The following FAM227B variants were observed in gnomAD, a reference collection of about 807,000 sequenced individuals.
FAM227B encodes the protein family with sequence similarity 227 member B.
FAM227B carries 88 observed loss-of-function variants against 73.8 expected under a neutral mutation model. The observed-to-expected ratio is 1.19, with a 90% CI of 1.00 to 1.42. FAM227B has a LOEUF of 1.42. FAM227B is among the 40% of genes most tolerant of loss of function. The pLI, the probability that FAM227B is intolerant of heterozygous loss-of-function variation, is 0.00. For missense variants in FAM227B, 632 were observed against 590.9 expected (o/e 1.07, Z -0.72); for synonymous variants, 210 against 190.5 (o/e 1.10, Z -0.84).
Position 49,327,517 on chromosome 15 carries a change from AT to A in FAM227B, c.*1050del, listed in dbSNP as rs1257451039. 1 of 154,548 alleles carries A rather than the reference AT, an allele frequency of 6.5e-6. No homozygotes were observed. The highest frequency in any genetic ancestry group is 1.9e-4 in the East Asian group (1 of 5,266). 9.6% of individuals were successfully genotyped at this position (154,548 alleles called of 1,614,324 possible). ...GGGGAAAACTTGTATAAGACTGTAC[AT>A]TTTAAATTTTGATTTGTCCTCATTT... On this transcript the variant is annotated 3_prime_UTR_variant, in exon 16 of 16. Coordinates refer to ENST00000299338, the MANE Select transcript of FAM227B (RefSeq NM_152647.3).
rs566228435 is a variant in FAM227B, at chr15:49,514,327, G to A, written c.875-5979C>T. ...AGGTCTTTCATGTCCCTTGTTAGCTGTATTCCTAGGTATTTTATTCTCTTT... is the reference window on the plus strand; with the variant it reads ...AGGTCTTTCATGTCCCTTGTTAGCTATATTCCTAGGTATTTTATTCTCTTT... On this transcript the variant is annotated intron_variant, in intron 10 of 15. Coordinates refer to ENST00000299338, the MANE Select transcript of FAM227B (RefSeq NM_152647.3). 3.1e-4 allele frequency among the ~76,000 whole-genome samples: 47 copies of A among 152,104 alleles called. No individual in the cohort carries two copies. The South Asian group carries it at 8.7e-3, about 28-fold the overall frequency.
At chr15:49,396,832 CA>C (rs1410831496) in intron 11 of FAM227B, among the ~76,000 whole-genome samples, 1 of 151,712 alleles carries the variant, frequency 6.6e-6, no homozygotes, top group African/African-American at 2.4e-5. Context: ...ACATCCACAC[CA>C]AAAACCCATC....
chr15:49,347,082 A>G (rs1174104669), intron 13 of FAM227B, among the ~76,000 whole-genome samples: 1 of 152,220 alleles, frequency 6.6e-6, no homozygotes, highest in African/African-American at 2.4e-5. Context: ...GTAAAATAGG[A>G]TTGCAGTTCT....
intron 5 of FAM227B, among the ~76,000 whole-genome samples, chr15:49,578,179 CT>C (rs1359811190): frequency 6.6e-6 from 1 of 152,158 alleles, no homozygotes; most frequent in East Asian, 1.9e-4. Context: ...ATAGCCAAGC[CT>C]TTCTGCTCCA....
At chr15:49,431,626 G>C (rs1597145564) in intron 11 of FAM227B, among the ~76,000 whole-genome samples, 2 of 151,710 alleles carry the variant, frequency 1.3e-5, no homozygotes, top group African/African-American at 4.8e-5. Context: ...TTCTACTGGA[G>C]TGGTCATGAG....
chr15:49,475,355 G>A (rs1455256398), intron 11 of FAM227B, among the ~76,000 whole-genome samples: 6 of 152,204 alleles, frequency 3.9e-5, no homozygotes, highest in Non-Finnish European at 7.3e-5. Context: ...TTCTGGCTAC[G>A]TGTTCAAGAA....
intron 9 of FAM227B, among the ~76,000 whole-genome samples, chr15:49,549,014 G>T (rs987836977): frequency 5.3e-5 from 8 of 151,914 alleles, no homozygotes; most frequent in Non-Finnish European, 1.0e-4. Flanking sequence ...CTTCTGCTCT[G>T]ATCTTTATTA....
chr15:49,609,720 T>C (rs769419875), intron 3 of FAM227B, among the ~76,000 whole-genome samples: 1 of 151,984 alleles, frequency 6.6e-6, no homozygotes. Context: ...AAATTAAGCA[T>C]CTAGTCATTT....
At position 49,489,803 on chromosome 15, in the gene FAM227B, TTATATATATATATATATTTTATA is replaced by T. The variant is rs1224751738; in HGVS notation, c.1012+18385_1012+18407del. On this transcript the variant is annotated intron_variant, in intron 11 of 15. Transcript: ENST00000299338. ...AGAACAGGAGATATATATATATATT[TTATATATATATATATATTTTATA>T]TATATATATATATTTTATATATATA... Among the ~76,000 whole-genome samples, 31 of 57,306 alleles carry T rather than the reference TTATATATATATATATATTTTATA, an allele frequency of 5.4e-4. 1 individual carries two copies. The highest frequency in any genetic ancestry group is 8.4e-4 in the Non-Finnish European group (23 of 27,272). 37.6% of individuals were successfully genotyped at this position (57,306 alleles called of 152,430 possible). A position where few individuals can be genotyped will look rare whatever the true frequency, so the allele number is the denominator to read the frequency against.
At chr15:49,439,498 A>G (rs904228149) in intron 11 of FAM227B, among the ~76,000 whole-genome samples, 21 of 151,774 alleles carry the variant, frequency 1.4e-4, no homozygotes, top group African/African-American at 3.6e-4. Flanking sequence ...GGGCCAAACC[A>G]CGGACTAACT....
chr15:49,566,973 G>T (rs893209420), intron 9 of FAM227B, among the ~76,000 whole-genome samples: 1 of 152,102 alleles, frequency 6.6e-6, no homozygotes, highest in Non-Finnish European at 1.5e-5. Context: ...ACTAAAGAAT[G>T]GGGGATACAC....
chr15:49,492,931 C>T (rs1417089092), intron 11 of FAM227B, among the ~76,000 whole-genome samples: 2 of 151,876 alleles, frequency 1.3e-5, no homozygotes, highest in Non-Finnish European at 2.9e-5. Context: ...CCACATTGCT[C>T]ATCTCATTCA....
At chr15:49,428,171 G>A in intron 11 of FAM227B, among the ~76,000 whole-genome samples, 1 of 151,898 alleles carries the variant, frequency 6.6e-6, no homozygotes. Context: ...GCTGCTACTA[G>A]AGAACTGGTC....
rs56097665 is a variant in FAM227B at position 49,479,599 on chromosome 15, G to GTTTTTTTTTTTT, written c.1012+28600_1012+28611dup. Among the ~76,000 whole-genome samples the GTTTTTTTTTTTT allele has an allele frequency of 2.1e-4, 13 of 63,322 alleles. 3 individuals carry two copies. The highest frequency in any genetic ancestry group is 8.2e-4 in the African/African-American group (13 of 15,942). 41.5% of individuals were successfully genotyped at this position (63,322 alleles called of 152,430 possible). A position where few individuals can be genotyped will look rare whatever the true frequency, so the allele number is the denominator to read the frequency against. ...GTAGGATTTCATAGTTAATACCTCT[G>GTTTTTTTTTTTT]TTTTTTTTTTTTTTTTTTTTTTTTT... is the stretch of plus-strand genomic sequence containing the variant. On this transcript the variant is annotated intron_variant, in intron 11 of 15. Transcript: ENST00000299338.
At chr15:49,551,516 G>C (rs367701254) in intron 9 of FAM227B, among the ~76,000 whole-genome samples, 13 of 151,720 alleles carry the variant, frequency 8.6e-5, no homozygotes, top group African/African-American at 3.1e-4. Flanking sequence ...GTTTTTTGTC[G>C]GCAACAGAAC....
In FAM227B at chr15:49,602,051, C is replaced by A. The variant is rs77443765; in HGVS notation, c.105+9164G>T. On this transcript the variant is annotated intron_variant, in intron 3 of 15. Coordinates refer to ENST00000299338, the MANE Select transcript of FAM227B (RefSeq NM_152647.3). ...CTTTATACATTCATCAGCTCATGGA[C>A]ACTTAAGATTGCTTCCTAATCTTAG... 2.1e-3 allele frequency among the ~76,000 whole-genome samples: 324 copies of A among 152,330 alleles called. 10 individuals are homozygous for A. In the East Asian group the frequency reaches 0.057, roughly 27 times the overall value.
At chr15:49,382,378 TAAGAA>T (rs960129037) in intron 11 of FAM227B, among the ~76,000 whole-genome samples, 6 of 152,074 alleles carry the variant, frequency 3.9e-5, no homozygotes, top group Non-Finnish European at 8.8e-5. Context: ...TCCTAATCAT[TAAGAA>T]AAGATGAATC....
At chr15:49,563,328 A>G (rs1009147050) in intron 9 of FAM227B, among the ~76,000 whole-genome samples, 2 of 152,140 alleles carry the variant, frequency 1.3e-5, no homozygotes, top group Non-Finnish European at 2.9e-5. Context: ...ACACTGCTCA[A>G]AGAAATCATA....
chr15:49,355,576 A>T (rs1432691333), intron 13 of FAM227B, among the ~76,000 whole-genome samples: 6 of 152,216 alleles, frequency 3.9e-5, no homozygotes, highest in Non-Finnish European at 1.5e-5. Flanking sequence ...GCCTCCAAGA[A>T]ATATGGGGCT....
Sources: allele counts gnomAD v4.1 joint callset (sites outside exome capture counted in the v4.1 genomes callset), GRCh38; gene constraint gnomAD v4.1.1; transcripts MANE v1.5; gene names NCBI Gene and HGNC (gene_info 2026-07-23, HGNC 2026-07-21).